The following PRDM15 variants were observed in gnomAD, a reference collection of about 807,000 sequenced individuals.
The protein encoded by PRDM15 is PR/SET domain 15.
A neutral mutation model predicts 128.6 loss-of-function variants in PRDM15; 64 were observed. The observed-to-expected ratio is 0.50, with a 90% CI of 0.41 to 0.61. PRDM15 has a LOEUF of 0.61. Ranked by LOEUF, PRDM15 falls within the 20% of genes least tolerant of loss-of-function variation. The pLI is 0.00. For missense variants in PRDM15, 1,242 were observed against 1,569.1 expected (o/e 0.79, Z 3.52); for synonymous variants, 615 against 621.8 (o/e 0.99, Z 0.16).
rs865975599 is a variant in PRDM15, at chr21:41,806,467, C to T, written c.2653-1853G>A. 8.3e-5 allele frequency among the ~76,000 whole-genome samples: 9 copies of T among 108,372 alleles called. 1 individual carries two copies. Among genetic ancestry groups the T allele is most frequent in the African/African-American group, 3.3e-4 (8 of 24,604 alleles). 71.1% of individuals were successfully genotyped at this position (108,372 alleles called of 152,430 possible). On this transcript the variant is annotated intron_variant, in intron 21 of 23. Transcript: ENST00000398548. ...TCACCACCACCCATCACCATCACCA[C>T]CAGCACCACCCATTACTACCACCAC...
intron 1 of PRDM15, among the ~76,000 whole-genome samples, chr21:41,875,291 AC>A (rs1009935624): frequency 6.6e-6 from 1 of 151,380 alleles, no homozygotes; most frequent in African/African-American, 2.4e-5. Flanking sequence ...GCCACCCCCA[AC>A]TCCCAAGCCG....
chr21:41,878,627 G>A lies in PRDM15; in HGVS notation c.-10+643C>T, dbSNP rs1372308729. The A allele has an allele frequency of 7.2e-6, 7 of 976,066 alleles. No individual in the cohort carries two copies. The East Asian group carries it at 1.5e-4, about 21-fold the overall frequency. The allele number at this position is 976,066 out of a possible 1,614,324, so 60.5% of individuals were successfully genotyped here. On this transcript the variant is annotated intron_variant, in intron 1 of 23. Transcript: ENST00000398548. Reference sequence around the variant, plus strand: ...CACGCGTCACCTGTCCATCCACCTCGCTACCTTCTCTCTGCCACCAAAAGG... The same window carrying A: ...CACGCGTCACCTGTCCATCCACCTCACTACCTTCTCTCTGCCACCAAAAGG...
intron 3 of PRDM15, chr21:41,858,892 C>T: frequency 1.6e-6 from 1 of 631,434 alleles, no homozygotes; most frequent in Non-Finnish European, 2.7e-6. Context: ...GGAAACAGTT[C>T]TGGAAAGACG....
chr21:41,870,494 CG>C (rs1479618158), intron 1 of PRDM15: 1 of 152,066 alleles, frequency 6.6e-6, no homozygotes, highest in African/African-American at 2.4e-5. Context: ...AAAAAGCAAA[CG>C]TATTTTCAAA....
At chr21:41,878,677 T>C (rs1334519580) in intron 1 of PRDM15, 1 of 1,525,814 alleles carries the variant, frequency 6.6e-7, no homozygotes, top group South Asian at 1.1e-5. Context: ...GCGCAGGGGG[T>C]CTGGGAGACC....
At chr21:41,815,608 G>T in intron 19 of PRDM15, 97 bp downstream of exon 19, 1 of 1,497,404 alleles carries the variant, frequency 6.7e-7, no homozygotes, top group Non-Finnish European at 9.0e-7. Flanking sequence ...ATCACAAAGA[G>T]GAATCGTCTC....
Position 41,839,607 on chromosome 21 carries a change from G to T in PRDM15, c.871+16C>A. ...GCGCCCCACGCAGGCACTCATCCCC[G>T]GGACCCGCTCATCACCTGTGGGTTC... On this transcript the variant is annotated intron_variant, in intron 7 of 23. Transcript: ENST00000398548. 6.6e-7 allele frequency: 1 copy of T among 1,511,778 alleles called. No homozygotes were observed. Among genetic ancestry groups the T allele is most frequent in the Non-Finnish European group, 9.0e-7 (1 of 1,115,816 alleles). The allele number at this position is 1,511,778 out of a possible 1,614,324, so 93.6% of individuals were successfully genotyped here.
Position 41,859,266 on chromosome 21 carries a change from CT to C in PRDM15, c.131+325del. ...GAGAAGCCAACGAGCAGACCTCCAG[CT>C]TGGCTGCTGGTGCTCAGCACGTCAA... is the stretch of plus-strand genomic sequence containing the variant. On this transcript the variant is annotated intron_variant, in intron 3 of 23. Transcript: ENST00000398548. This position sits in a 1 kb window ranked among gnomAD's most constrained non-coding sequence, Gnocchi z 5.3. 6.3e-7 allele frequency: 1 copy of C among 1,593,582 alleles called. No homozygotes were observed. The highest frequency in any genetic ancestry group is 1.1e-5 in the South Asian group (1 of 89,788).
intron 3 of PRDM15, among the ~76,000 whole-genome samples, chr21:41,858,341 G>GCA (rs2063702865): frequency 6.6e-6 from 1 of 152,156 alleles, no homozygotes; most frequent in Non-Finnish European, 1.5e-5. Context: ...GGTCCCCAGA[G>GCA]CACAGGCCCC....
rs554301342 is a variant in PRDM15, at chr21:41,816,822, G to A, written c.2261-986C>T. On this transcript the variant is annotated intron_variant, in intron 18 of 23. Transcript: ENST00000398548. ...ACAACTCCTGGCCTCGGGTGGGGAC[G>A]GCACCTGCAGGCCTATTACCAATGA... Among the ~76,000 whole-genome samples the A allele has an allele frequency of 7.4e-4, 112 of 152,014 alleles. 1 individual carries two copies. Among genetic ancestry groups the A allele is most frequent in the African/African-American group, 2.6e-3 (106 of 41,420 alleles).
chr21:41,835,542 C>A lies in PRDM15; in HGVS notation c.1279-18G>T, dbSNP rs757376492. 2.3e-5 allele frequency: 37 copies of A among 1,600,910 alleles called. No homozygotes were observed. The highest frequency in any genetic ancestry group is 3.2e-5 in the Non-Finnish European group (37 of 1,174,546). On this transcript the variant is annotated intron_variant, in intron 10 of 23. Coordinates refer to ENST00000398548, the MANE Select transcript of PRDM15 (RefSeq NM_001040424.3). ...CCGTCCACCTGGTCAGAGGGACACG[C>A]CGTGAGTGAGATGGCCCAGCGCAGA... is the stretch of plus-strand genomic sequence containing the variant.
chr21:41,843,667 T>C (rs528054794), intron 6 of PRDM15, among the ~76,000 whole-genome samples: 31 of 152,294 alleles, frequency 2.0e-4, no homozygotes, highest in African/African-American at 5.3e-4. Flanking sequence ...GGTGAAGGCA[T>C]TGGGCTTTCA....
chr21:41,801,221 G>T lies in PRDM15; in HGVS notation c.*19C>A. The T allele has an allele frequency of 6.6e-7, 1 of 1,508,014 alleles. No individual in the cohort carries two copies. Among genetic ancestry groups the T allele is most frequent in the East Asian group, 2.3e-5 (1 of 43,994 alleles). The allele number at this position is 1,508,014 out of a possible 1,614,324, so 93.4% of individuals were successfully genotyped here. On this transcript the variant is annotated 3_prime_UTR_variant, in exon 24 of 24. Coordinates refer to ENST00000398548, the MANE Select transcript of PRDM15 (RefSeq NM_001040424.3). The stretch of plus-strand genomic sequence containing the variant: ...AACATCCCTCTGCAGTTCTTGCCCC[G>T]AGTCTCCCGGAACGCAGCTCAGTAG...
rs776412010 is a variant in PRDM15 at position 41,861,541 on chromosome 21, C to CG, written c.-9-1170_-9-1169insC. The CG allele has an allele frequency of 2.9e-5, 45 of 1,567,582 alleles. 2 individuals carry two copies. The South Asian group carries it at 4.5e-4, about 16-fold the overall frequency. Reference sequence around the variant, plus strand: ...AATGATTATTCCTCCTCTGCCCCCCCCCAATCCCCAACTGTGCGCACCGGC... The same window carrying CG: ...AATGATTATTCCTCCTCTGCCCCCCCGCCAATCCCCAACTGTGCGCACCGGC... On this transcript the variant is annotated intron_variant, in intron 1 of 23. Coordinates refer to ENST00000398548, the MANE Select transcript of PRDM15 (RefSeq NM_001040424.3).
In PRDM15 at chr21:41,819,633, T is replaced by C; in HGVS notation, c.2209A>G (p.Met737Val). 6.2e-7 allele frequency: 1 copy of C among 1,611,954 alleles called. No individual in the cohort carries two copies. The highest frequency in any genetic ancestry group is 8.5e-7 in the Non-Finnish European group (1 of 1,179,508). ...FARKDMLKEH[M>V]RVHDNVREYL... ...TCGCGGACATTGTCGTGCACACGCA[T>C]GTGCTCCTTCAGCATGTCCTTCCTG... is the stretch of plus-strand genomic sequence containing the variant. Residue 737 changes from methionine to valine, a missense_variant, in exon 18 of 24, where the codon ATG becomes GTG. Met to Val is a conservative substitution (Grantham distance 21). Around this residue, in one of 3 missense-constraint regions of PRDM15, gnomAD observed 602 missense variants for 788.3 expected, o/e 0.76. Coordinates refer to ENST00000398548, the MANE Select transcript of PRDM15 (RefSeq NM_001040424.3).
chr21:41,806,421 CCA>C (rs1471942616), intron 21 of PRDM15, among the ~76,000 whole-genome samples: 4 of 48,308 alleles, frequency 8.3e-5, no homozygotes, highest in African/African-American at 2.3e-4. Flanking sequence ...ATCACCACCA[CCA>C]CCATCACCAC....
chr21:41,822,184 T>G, intron 14 of PRDM15, 147 bp from the exon 15 acceptor site: 14 of 1,112,912 alleles, frequency 1.3e-5, no homozygotes, highest in Non-Finnish European at 1.8e-5. Context: ...GCTACACTTG[T>G]GCCCTAGCCC....
At chr21:41,869,487 C>T (rs897273953) in intron 1 of PRDM15, among the ~76,000 whole-genome samples, 1 of 150,000 alleles carries the variant, frequency 6.7e-6, no homozygotes, top group African/African-American at 2.5e-5. Flanking sequence ...ACTGTTATTG[C>T]CCAGGCTGGG....
At chr21:41,853,735 C>A (rs2063496845) in intron 5 of PRDM15, among the ~76,000 whole-genome samples, 1 of 152,332 alleles carries the variant, frequency 6.6e-6, no homozygotes, top group South Asian at 2.1e-4. Context: ...ACGCACATAA[C>A]CTTCACTAGG....
Sources: allele counts gnomAD v4.1 joint callset (sites outside exome capture counted in the v4.1 genomes callset), GRCh38; gene constraint gnomAD v4.1.1; regional missense constraint gnomAD v4.1.1; non-coding constraint Gnocchi (gnomAD v3.1); transcripts MANE v1.5; gene names NCBI Gene and HGNC (gene_info 2026-07-23, HGNC 2026-07-21).